Variants in ANGPTL3 observed in about 807,000 individuals in gnomAD.
ANGPTL3 encodes the protein angiopoietin like 3.
In ANGPTL3, 51 loss-of-function variants were observed where a neutral mutation model predicts 52.7. The observed-to-expected ratio is 0.97, with a 90% CI of 0.77 to 1.22. The LOEUF (loss-of-function observed/expected upper bound fraction) is 1.22. Among genes scored for constraint, ANGPTL3 ranks in the 50% most tolerant of loss-of-function variants. The pLI, the probability that ANGPTL3 is intolerant of heterozygous loss-of-function variation, is 0.00. For missense variants in ANGPTL3, 506 were observed against 520.7 expected, an observed-to-expected ratio of 0.97 and a Z score of 0.27; for synonymous variants, 185 against 179.8, an observed-to-expected ratio of 1.03 and a Z score of -0.23.
At chr1:62,604,402 A>G (rs1650637646) in intron 6 of ANGPTL3, 167 bp downstream of exon 6, 1 of 939,544 alleles carries the variant, frequency 1.1e-6, no homozygotes. Context: ...TTCTAGTTCA[A>G]TCAGGTATTT....
rs1427013966 is a variant in ANGPTL3, at chr1:62,604,689, A to G, written c.1255A>G (p.Lys419Glu). The G allele has an allele frequency of 6.2e-7, 1 of 1,613,142 alleles. No individual in the cohort carries two copies. The highest frequency in any genetic ancestry group is 8.5e-7 in the Non-Finnish European group (1 of 1,179,406). Residue 419 changes from lysine (K) to glutamate (E), a missense_variant, in exon 7 of 7, where the codon AAA (lysine) becomes GAA (glutamate). Physicochemically the swap from Lys to Glu is moderately conservative, Grantham distance 56. Transcript: ENST00000371129. ...AAACAACCTAAATGGTAAATATAAC[A>G]AACCAAGAGCAAAATCTAAGCCAGA... Reference protein sequence around the residue: ...GENNLNGKYNKPRAKSKPERR... With the variant: ...GENNLNGKYNEPRAKSKPERR...
At position 62,597,586 on chromosome 1, in the gene ANGPTL3, T is replaced by G; in HGVS notation, c.20T>G (p.Leu7Arg). The change falls in exon 1 of 7, where the codon CTT becomes CGT. Residue 7 changes from leucine (L) to arginine (R), a missense_variant. Physicochemically the swap from Leu to Arg is moderately radical, Grantham distance 102. Coordinates refer to ENST00000371129, the MANE Select transcript of ANGPTL3 (RefSeq NM_014495.4). MFTIKLLLFIVPLVISS... is the reference protein window; with the variant it reads MFTIKLRLFIVPLVISS... ...ATAAAAATGTTCACAATTAAGCTCC[T>G]TCTTTTTATTGTTCCTCTAGTTATT... is the stretch of plus-strand genomic sequence containing the variant. The G allele has an allele frequency of 6.2e-7, 1 of 1,612,796 alleles. No individual in the cohort carries two copies. Among genetic ancestry groups the G allele is most frequent in the Non-Finnish European group, 8.5e-7 (1 of 1,179,314 alleles).
chr1:62,601,779 T>C lies in ANGPTL3; in HGVS notation c.732T>C (p.Ala244=). Reference sequence around the variant, plus strand: ...TTTTATTGATTCTAGGCATTCCTGCTGAATGTACCACCATTTATAACAGAG... The same window carrying C: ...TTTTATTGATTCTAGGCATTCCTGCCGAATGTACCACCATTTATAACAGAG... ...IRNVKHDGIP[A]ECTTIYNRGE... The change falls in exon 4 of 7, where the codon GCT becomes GCC. Residue 244 remains alanine, a synonymous_variant. Coordinates refer to ENST00000371129, the MANE Select transcript of ANGPTL3 (RefSeq NM_014495.4). 1 of 1,606,746 alleles carries C rather than the reference T, an allele frequency of 6.2e-7. No individual in the cohort carries two copies. Among genetic ancestry groups the C allele is most frequent in the Non-Finnish European group, 8.5e-7 (1 of 1,174,714 alleles).
intron 3 of ANGPTL3, 99 bp from the exon 4 acceptor site, chr1:62,601,670 C>T (rs1184086641): frequency 7.2e-6 from 6 of 834,402 alleles, no homozygotes; most frequent in East Asian, 2.6e-5. Flanking sequence ...AAAAATGCTA[C>T]ATTTGCCACA....
At position 62,605,304 on chromosome 1, in the gene ANGPTL3, T is replaced by C. The variant is rs936413727; in HGVS notation, c.*487T>C. 1.3e-5 allele frequency: 2 copies of C among 153,102 alleles called. No homozygotes were observed. Among genetic ancestry groups the C allele is most frequent in the African/African-American group, 4.8e-5 (2 of 41,450 alleles). 9.5% of individuals were successfully genotyped at this position (153,102 alleles called of 1,614,324 possible). A position where few individuals can be genotyped will look rare whatever the true frequency, so the allele number is the denominator to read the frequency against. ...AACTAAAAATCGTCAGCACAGAGTA[T>C]GTGTAAAAATCTGTAATACAAATTT... On this transcript the variant is annotated 3_prime_UTR_variant, in exon 7 of 7. Transcript: ENST00000371129.
rs1231834747 is a variant in ANGPTL3, at chr1:62,598,058, T to TA, written c.495dup (p.Thr166AsnfsTer8). On this transcript the variant is annotated frameshift_variant, in exon 1 of 7. Transcript: ENST00000371129. LOFTEE classifies it high-confidence loss of function. ...CAGAACACCCAGAAGTAACTTCACTTAAAGTAAGTAGAAAATAAAGAGGGT... is the reference window on the plus strand; with the variant it reads ...CAGAACACCCAGAAGTAACTTCACTTAAAAGTAAGTAGAAAATAAAGAGGGT... 2 of 1,580,408 alleles carry TA rather than the reference T, an allele frequency of 1.3e-6. No individual in the cohort carries two copies. The highest frequency in any genetic ancestry group is 2.7e-5 in the African/African-American group (2 of 73,018).
chr1:62,604,564 CG>C, intron 6 of ANGPTL3, 68 bp from the exon 7 acceptor site: 2 of 1,472,654 alleles, frequency 1.4e-6, no homozygotes, highest in South Asian at 2.3e-5. Flanking sequence ...GATAAACTTA[CG>C]GGGAAATACA....
chr1:62,600,626 T>C (rs1649973293), intron 2 of ANGPTL3, among the ~76,000 whole-genome samples: 1 of 151,862 alleles, frequency 6.6e-6, no homozygotes, highest in African/African-American at 2.4e-5. Context: ...CAGATATGTT[T>C]ACAGGTCAAA....
At position 62,604,042 on chromosome 1, in the gene ANGPTL3, G is replaced by A; in HGVS notation, c.1005G>A (p.Leu335=). The A allele has an allele frequency of 6.2e-7, 1 of 1,612,896 alleles. No individual in the cohort carries two copies. The highest frequency in any genetic ancestry group is 8.5e-7 in the Non-Finnish European group (1 of 1,179,210). ...KQSNYVLRIE[L]EDWKDNKHYI... is the part of the protein sequence containing the mutation. Reference sequence around the variant, plus strand: ...CTAATTATGTTTTACGAATTGAGTTGGAAGACTGGAAAGACAACAAACATT... The same window carrying A: ...CTAATTATGTTTTACGAATTGAGTTAGAAGACTGGAAAGACAACAAACATT... The change falls in exon 6 of 7, where the codon TTG becomes TTA. Residue 335 remains leucine (L), a synonymous_variant. Transcript: ENST00000371129.
intron 5 of ANGPTL3, 44 bp from the exon 6 acceptor site, chr1:62,603,925 C>G (rs765407485): frequency 1.8e-5 from 28 of 1,594,430 alleles, no homozygotes; most frequent in Non-Finnish European, 2.4e-5. Context: ...CAGTGTCCAA[C>G]CTGTACTTAA....
Position 62,605,162 on chromosome 1 carries a change from C to A in ANGPTL3, c.*345C>A. 1 of 219,962 alleles carries A rather than the reference C, an allele frequency of 4.5e-6. No homozygotes were observed. 13.6% of individuals were successfully genotyped at this position (219,962 alleles called of 1,614,324 possible). ...TTTATTTTAAAAGGCATCATATGAG[C>A]TAATATCACAACTTTCCCAGTTTAA... On this transcript the variant is annotated 3_prime_UTR_variant, in exon 7 of 7. Coordinates refer to ENST00000371129, the MANE Select transcript of ANGPTL3 (RefSeq NM_014495.4).
rs1308985877 is a variant in ANGPTL3 at position 62,604,616 on chromosome 1, A to G, written c.1199-17A>G. On this transcript the variant is annotated splice_polypyrimidine_tract_variant and intron_variant, in intron 6 of 6. Coordinates refer to ENST00000371129, the MANE Select transcript of ANGPTL3 (RefSeq NM_014495.4). The stretch of plus-strand genomic sequence containing the variant: ...TACGAGTCTGTACCCATTAAATTGC[A>G]TATCTATCTCCTTTAGGAGGCTGGT... 5.6e-6 allele frequency: 9 copies of G among 1,611,580 alleles called. No individual in the cohort carries two copies. Among genetic ancestry groups the G allele is most frequent in the African/African-American group, 1.3e-5 (1 of 74,848 alleles).
chr1:62,605,823 A>T lies in ANGPTL3; in HGVS notation c.*1006A>T, dbSNP rs1650908503. On this transcript the variant is annotated 3_prime_UTR_variant, in exon 7 of 7. Transcript: ENST00000371129. ...AAATTATTCTTGCATGTTTATCGACATCACAACAGATCCCTAAATCCCTAA... is the reference window on the plus strand; with the variant it reads ...AAATTATTCTTGCATGTTTATCGACTTCACAACAGATCCCTAAATCCCTAA... 1 of 152,082 alleles carries T rather than the reference A, an allele frequency of 6.6e-6. No individual in the cohort carries two copies. The highest frequency in any genetic ancestry group is 1.5e-5 in the Non-Finnish European group (1 of 67,924). 9.4% of individuals were successfully genotyped at this position (152,082 alleles called of 1,614,324 possible).
chr1:62,602,434 T>C, intron 5 of ANGPTL3, 54 bp downstream of exon 5: 2 of 1,491,412 alleles, frequency 1.3e-6, no homozygotes, highest in South Asian at 2.3e-5. Flanking sequence ...AAATATTTAC[T>C]GAGAACCTCT....
At chr1:62,600,731 A>C (rs1433450119) in intron 2 of ANGPTL3, among the ~76,000 whole-genome samples, 1 of 151,804 alleles carries the variant, frequency 6.6e-6, no homozygotes, top group Admixed American at 6.6e-5. Context: ...GAAAATTATT[A>C]AACTTAAAAT....
chr1:62,598,113 T>A (rs558636010), intron 1 of ANGPTL3, 52 bp downstream of exon 1: 38 of 1,470,916 alleles, frequency 2.6e-5, no homozygotes, highest in Middle Eastern at 4.8e-4. Flanking sequence ...GTGGATCTTT[T>A]AAAAAAAATA....
At chr1:62,602,109 C>G (rs1650212421) in intron 4 of ANGPTL3, among the ~76,000 whole-genome samples, 176 bp from the exon 5 acceptor site, 1 of 151,534 alleles carries the variant, frequency 6.6e-6, no homozygotes, top group African/African-American at 2.4e-5. Context: ...TGCCAAAATT[C>G]ATTAATTGCC....
chr1:62,598,093 T>C (rs1571705137), intron 1 of ANGPTL3, 32 bp downstream of exon 1: 3 of 1,528,386 alleles, frequency 2.0e-6, no homozygotes, highest in Non-Finnish European at 2.6e-6. Context: ...TTCATGTTTA[T>C]GTTTTCAATG....
chr1:62,598,169 ACTTTT>A lies in ANGPTL3; in HGVS notation c.495+109_495+113del. ...AAATACTTTGTTGCATTGTTGAAAT[ACTTTT>A]TTTTCCAAGAAAAATAATCTCCAGA... On this transcript the variant is annotated intron_variant, in intron 1 of 6. Transcript: ENST00000371129. 3 of 1,080,718 alleles carry A rather than the reference ACTTTT, an allele frequency of 2.8e-6. No homozygotes were observed. In the South Asian group the frequency reaches 7.9e-5, roughly 29 times the overall value. The allele number at this position is 1,080,718 out of a possible 1,614,324, so 66.9% of individuals were successfully genotyped here. A position where few individuals can be genotyped will look rare whatever the true frequency, so the allele number is the denominator to read the frequency against.
Sources: gnomAD v4.1 joint callset for allele counts (sites outside exome capture counted in the v4.1 genomes callset) on GRCh38, gnomAD v4.1.1 for gene constraint, MANE v1.5 for transcripts, NCBI Gene and HGNC (gene_info 2026-07-23, HGNC 2026-07-21) for gene names.